GBE1: variants seen among roughly 807,000 people sequenced by gnomAD.
GBE1 encodes the protein 1,4-alpha-glucan-branching enzyme.
A neutral mutation model predicts 88.8 loss-of-function variants in GBE1; 70 were observed. The observed-to-expected ratio is 0.79, with a 90% CI of 0.65 to 0.96. GBE1 has a LOEUF of 0.96. GBE1 is among the 40% of genes least tolerant of loss of function. The probability of loss-of-function intolerance (pLI) is 0.00; values close to 1 mark genes in which losing one functional copy is unlikely to be tolerated. For synonymous variants in GBE1, 284 were observed against 300.1 expected (o/e 0.95, Z 0.56); for missense variants, 872 against 871.0 (o/e 1.00, Z -0.01).
At chr3:81,665,032 T>C (rs1295574492) in intron 3 of GBE1, among the ~76,000 whole-genome samples, 1 of 152,224 alleles carries the variant, frequency 6.6e-6, no homozygotes, top group Admixed American at 6.5e-5. Flanking sequence ...GAGAATTTTT[T>C]AATTCAAAGG....
chr3:81,543,907 T>C (rs1157913504), intron 12 of GBE1, among the ~76,000 whole-genome samples: 1 of 152,180 alleles, frequency 6.6e-6, no homozygotes, highest in East Asian at 1.9e-4. Flanking sequence ...TAGGTACACA[T>C]ATGTACATAA....
At chr3:81,499,583 C>T (rs79804677) in intron 14 of GBE1, among the ~76,000 whole-genome samples, 1 of 151,634 alleles carries the variant, frequency 6.6e-6, no homozygotes, top group Non-Finnish European at 1.5e-5. Context: ...TCTACCAAGA[C>T]AAGCCATAAA....
In GBE1 at chr3:81,593,923, G is replaced by C; in HGVS notation, c.1093C>G (p.His365Asp). ...GGTTACCTACCCACTCCATGGTGAT[G>C]ATAAAGCATGGACGTAACACCATCA... ...RFDGVTSMLY[H>D]HHGVGQGFSG... is the part of the protein sequence containing the mutation. Residue 365 changes from histidine to aspartate, a missense_variant, in exon 8 of 16, where the codon CAT becomes GAT. Physicochemically the swap from His to Asp is moderately conservative, Grantham distance 81. Coordinates refer to ENST00000429644, the MANE Select transcript of GBE1 (RefSeq NM_000158.4). 1 of 1,553,458 alleles carries C rather than the reference G, an allele frequency of 6.4e-7. No homozygotes were observed. Among genetic ancestry groups the C allele is most frequent in the Non-Finnish European group, 8.8e-7 (1 of 1,141,192 alleles).
chr3:81,504,998 C>T (rs1006739232), intron 14 of GBE1, among the ~76,000 whole-genome samples: 2 of 152,106 alleles, frequency 1.3e-5, no homozygotes, highest in Admixed American at 6.6e-5. Flanking sequence ...ATAACGATGG[C>T]AGAGCGGGTA....
chr3:81,577,801 A>G (rs1163215910), intron 12 of GBE1, 124 bp downstream of exon 12: 3 of 721,598 alleles, frequency 4.2e-6, no homozygotes, highest in Admixed American at 7.3e-5. Flanking sequence ...ACAGTATATG[A>G]AATAAATAGT....
At chr3:81,529,065 T>G (rs1238289904) in intron 14 of GBE1, among the ~76,000 whole-genome samples, 1 of 151,914 alleles carries the variant, frequency 6.6e-6, no homozygotes, top group East Asian at 1.9e-4. Flanking sequence ...GTTGTGAAAT[T>G]GATTGGTGAT....
At chr3:81,687,890 A>G (rs1027210545) in intron 2 of GBE1, among the ~76,000 whole-genome samples, 3 of 152,220 alleles carry the variant, frequency 2.0e-5, no homozygotes, top group African/African-American at 4.8e-5. Context: ...ATTTAGCATC[A>G]TGGAGTTTAA....
intron 12 of GBE1, among the ~76,000 whole-genome samples, chr3:81,558,764 T>C (rs1160876401): frequency 2.6e-5 from 4 of 152,138 alleles, no homozygotes; most frequent in African/African-American, 9.6e-5. Flanking sequence ...TATATCCATA[T>C]AGTAATATTT....
chr3:81,722,896 G>A (rs9828309), intron 1 of GBE1, among the ~76,000 whole-genome samples: 59,544 of 134,144 alleles, frequency 0.44, 13,969 homozygotes, highest in East Asian at 0.82. Context: ...GTGTGTGTGT[G>A]TATATATATA....
At chr3:81,736,939 A>G (rs1706264192) in intron 1 of GBE1, among the ~76,000 whole-genome samples, 1 of 152,158 alleles carries the variant, frequency 6.6e-6, no homozygotes. Context: ...TTGTAACTCT[A>G]TGCAGAATGG....
chr3:81,510,897 G>A (rs143482373), intron 14 of GBE1, among the ~76,000 whole-genome samples: 129 of 151,878 alleles, frequency 8.5e-4, no homozygotes, highest in Middle Eastern at 6.8e-3. Flanking sequence ...AGAGCTGACC[G>A]TAAGCATTCT....
intron 10 of GBE1, among the ~76,000 whole-genome samples, chr3:81,582,879 G>A (rs1254639164): frequency 1.3e-5 from 2 of 151,940 alleles, no homozygotes; most frequent in Non-Finnish European, 2.9e-5. Flanking sequence ...TGATAAACTA[G>A]CTTCATCAAA....
rs2106938489 is a variant in GBE1, at chr3:81,581,198, T to C, written c.1413A>G (p.Glu471=). Residue 471 remains glutamate (E), a synonymous_variant, in exon 11 of 16, where the codon GAA becomes GAG. Coordinates refer to ENST00000429644, the MANE Select transcript of GBE1 (RefSeq NM_000158.4). ...VYTLTNRRYL[E]KCIAYAESHD... ...GGCTCTCTGCATAAGCAATGCACTT[T>C]TCAAGGTAGCGCCTGTTTGTGAGCG... 1 of 1,607,210 alleles carries C rather than the reference T, an allele frequency of 6.2e-7. No homozygotes were observed.
intron 7 of GBE1, among the ~76,000 whole-genome samples, chr3:81,595,069 G>C (rs1290837517): frequency 1.3e-5 from 2 of 150,940 alleles, no homozygotes; most frequent in Non-Finnish European, 3.0e-5. Context: ...AAAGATGAGT[G>C]TTGTTAGTAA....
At position 81,671,787 on chromosome 3, in the gene GBE1, T is replaced by C. The variant is rs373796489; in HGVS notation, c.314-834A>G. 3.7e-4 allele frequency among the ~76,000 whole-genome samples: 57 copies of C among 152,184 alleles called. No individual in the cohort carries two copies. In the South Asian group the frequency reaches 0.011, roughly 29 times the overall value. ...TCTTTAAGTAAAATGTTTTTAAAAC[T>C]ATAAAACTTTTAAGACTGATAATTC... On this transcript the variant is annotated intron_variant, in intron 2 of 15. Transcript: ENST00000429644.
intron 7 of GBE1, among the ~76,000 whole-genome samples, chr3:81,639,291 C>T (rs1273287471): frequency 6.6e-6 from 1 of 151,300 alleles, no homozygotes; most frequent in Non-Finnish European, 1.5e-5. Flanking sequence ...ATTTTGTGTG[C>T]CTTTTTAAAT....
chr3:81,716,774 G>A (rs1705943477), intron 1 of GBE1, among the ~76,000 whole-genome samples: 1 of 152,138 alleles, frequency 6.6e-6, no homozygotes. Context: ...TTTAATCACT[G>A]TGCCTTGTCT....
At position 81,601,432 on chromosome 3, in the gene GBE1, G is replaced by A. The variant is rs151188625; in HGVS notation, c.993-7409C>T. On this transcript the variant is annotated intron_variant, in intron 7 of 15. Coordinates refer to ENST00000429644, the MANE Select transcript of GBE1 (RefSeq NM_000158.4). Reference sequence around the variant, plus strand: ...ATTTCTTGTTTTTGGCAATTGTCCTGGTACAACATCTTTTAAAACCCTGTA... The same window carrying A: ...ATTTCTTGTTTTTGGCAATTGTCCTAGTACAACATCTTTTAAAACCCTGTA... Among the ~76,000 whole-genome samples the A allele has an allele frequency of 2.4e-3, 361 of 152,128 alleles. 2 individuals are homozygous for A. The highest frequency in any genetic ancestry group is 8.4e-3 in the African/African-American group (350 of 41,510).
chr3:81,657,545 C>T (rs890006569), intron 3 of GBE1, among the ~76,000 whole-genome samples: 5 of 151,956 alleles, frequency 3.3e-5, no homozygotes, highest in Non-Finnish European at 7.4e-5. Flanking sequence ...ATTAAACAGA[C>T]CTTAATATAT....
Sources: allele counts gnomAD v4.1 joint callset (sites outside exome capture counted in the v4.1 genomes callset), GRCh38; gene constraint gnomAD v4.1.1; transcripts MANE v1.5; gene names NCBI Gene and HGNC (gene_info 2026-07-23, HGNC 2026-07-21).